Variants in AP2B1 observed in about 807,000 individuals in gnomAD.
AP2B1 encodes AP-2 complex subunit beta.
Under a neutral mutation model 102.0 loss-of-function variants are expected in AP2B1, and 23 were observed. The ratio of observed to expected loss-of-function variants is 0.23; its 90% CI spans 0.16 to 0.32. The LOEUF is 0.32. Among genes scored for constraint, AP2B1 ranks in the 10% least tolerant of loss-of-function variants. The probability of loss-of-function intolerance (pLI) is 1.00; values close to 1 mark genes in which losing one functional copy is unlikely to be tolerated. For synonymous variants in AP2B1, 381 were observed against 421.2 expected, an observed-to-expected ratio of 0.90 and a Z score of 1.17; for missense variants, 541 against 1,157.4, an observed-to-expected ratio of 0.47 and a Z score of 7.73.
chr17:35,626,765 A>G lies in AP2B1; in HGVS notation c.861A>G (p.Pro287=). 6.2e-7 allele frequency: 1 copy of G among 1,613,994 alleles called. No homozygotes were observed. The change falls in exon 7 of 22, where the codon CCA becomes CCG. Residue 287 remains proline, a synonymous_variant. Transcript: ENST00000610402. Reference sequence around the variant, plus strand: ...TGCTGCTGAAGAAGTTAGCCCCTCCACTTGTCACTTTGCTGTCTGGGGAGC... The same window carrying G: ...TGCTGCTGAAGAAGTTAGCCCCTCCGCTTGTCACTTTGCTGTCTGGGGAGC... ...YNMLLKKLAP[P]LVTLLSGEPE...
At chr17:35,615,603 G>T (rs1477206516) in intron 5 of AP2B1, among the ~76,000 whole-genome samples, 2 of 152,132 alleles carry the variant, frequency 1.3e-5, no homozygotes, top group Admixed American at 1.3e-4. Context: ...AAAACTTAAT[G>T]ACTTAACTTT....
At chr17:35,669,218 A>T (rs1164607240) in intron 14 of AP2B1, among the ~76,000 whole-genome samples, 2 of 149,020 alleles carry the variant, frequency 1.3e-5, no homozygotes, top group Admixed American at 1.4e-4. Flanking sequence ...ATCTCAGCTC[A>T]CCGCAACCTC....
chr17:35,672,668 C>T, intron 16 of AP2B1, among the ~76,000 whole-genome samples: 1 of 152,144 alleles, frequency 6.6e-6, no homozygotes, highest in East Asian at 1.9e-4. Flanking sequence ...CGAAGATATT[C>T]AAAATTGAGC....
chr17:35,722,657 T>A (rs2085435369), intron 21 of AP2B1, among the ~76,000 whole-genome samples: 1 of 152,194 alleles, frequency 6.6e-6, no homozygotes, highest in Non-Finnish European at 1.5e-5. Context: ...AATAAAGAGG[T>A]AAAATAGTCT....
rs781828320 is a variant in AP2B1, at chr17:35,717,296, G to A, written c.2728G>A (p.Gly910Ser). The change falls in exon 21 of 22, where the codon GGC (glycine) becomes AGC (serine). Residue 910 changes from glycine to serine, a missense_variant. This residue lies in a region of AP2B1 where 117 missense variants were observed against 206.7 expected (regional missense o/e 0.57). Transcript: ENST00000610402. Reference protein sequence around the residue: ...MLYQSLKLTNGIWILAELRIQ... With the variant: ...MLYQSLKLTNSIWILAELRIQ... ...GTACCAATCCCTGAAGCTCACTAAT[G>A]GCATTTGGATTTTGGCCGAACTACG... The A allele has an allele frequency of 6.2e-7, 1 of 1,614,162 alleles. No individual in the cohort carries two copies.
intron 5 of AP2B1, among the ~76,000 whole-genome samples, chr17:35,618,182 G>A (rs943206859): frequency 6.6e-6 from 1 of 152,114 alleles, no homozygotes; most frequent in African/African-American, 2.4e-5. Flanking sequence ...TGTTTGACTG[G>A]TACTGCAGTC....
At chr17:35,630,509 A>G (rs1386846863) in intron 9 of AP2B1, among the ~76,000 whole-genome samples, 2 of 152,200 alleles carry the variant, frequency 1.3e-5, no homozygotes, top group African/African-American at 4.8e-5. Flanking sequence ...TCACTAGTGT[A>G]CATAGCCATC....
intron 18 of AP2B1, among the ~76,000 whole-genome samples, chr17:35,702,930 G>A (rs587695523): frequency 4.6e-5 from 7 of 152,294 alleles, no homozygotes; most frequent in African/African-American, 1.4e-4. Flanking sequence ...CTATTGAAGA[G>A]CATGTAAATT....
chr17:35,599,284 C>T (rs2073398490), intron 3 of AP2B1, among the ~76,000 whole-genome samples: 1 of 152,276 alleles, frequency 6.6e-6, no homozygotes, highest in African/African-American at 2.4e-5. Flanking sequence ...TATATTTAAT[C>T]AGACTTTGGT....
chr17:35,703,656 A>G (rs1047495405), intron 18 of AP2B1, among the ~76,000 whole-genome samples: 2 of 152,142 alleles, frequency 1.3e-5, no homozygotes, highest in Non-Finnish European at 2.9e-5. Flanking sequence ...AAAGAGGGGA[A>G]TAGCACACAC....
chr17:35,697,823 G>A (rs1401383913), intron 18 of AP2B1, among the ~76,000 whole-genome samples: 1 of 152,078 alleles, frequency 6.6e-6, no homozygotes, highest in Non-Finnish European at 1.5e-5. Context: ...TTAGCCGGGT[G>A]TAGTGGCATG....
intron 12 of AP2B1, among the ~76,000 whole-genome samples, chr17:35,647,891 G>GTTTTTTTTTTTTT (rs36102165): frequency 7.0e-6 from 1 of 143,136 alleles, no homozygotes. Flanking sequence ...TTGGGGGTTT[G>GTTTTTTTTTTTTT]TTTTTTTTTT....
At chr17:35,696,268 GCTTA>G (rs755112226) in intron 18 of AP2B1, among the ~76,000 whole-genome samples, 5 of 151,966 alleles carry the variant, frequency 3.3e-5, no homozygotes, top group Non-Finnish European at 7.4e-5. Flanking sequence ...ATATCGTATA[GCTTA>G]CTTACTTACT....
intron 12 of AP2B1, among the ~76,000 whole-genome samples, chr17:35,649,541 A>T (rs1475613826): frequency 2.6e-5 from 4 of 152,178 alleles, no homozygotes; most frequent in Admixed American, 1.3e-4. Context: ...AAGTGCTGGG[A>T]TTACAGGCGT....
rs1413217552 is a variant in AP2B1, at chr17:35,725,297, C to G, written c.*1598C>G. The stretch of plus-strand genomic sequence containing the variant: ...GGCACCCAATATTCAGGGTCCATGA[C>G]TAAGACTGGTCTTCTCAGATGCCCT... On this transcript the variant is annotated 3_prime_UTR_variant, in exon 22 of 22. Coordinates refer to ENST00000610402, the MANE Select transcript of AP2B1 (RefSeq NM_001030006.2). The G allele has an allele frequency of 1.3e-5, 2 of 152,268 alleles. No individual in the cohort carries two copies. Among genetic ancestry groups the G allele is most frequent in the Non-Finnish European group, 2.9e-5 (2 of 68,066 alleles). 9.4% of individuals were successfully genotyped at this position (152,268 alleles called of 1,614,324 possible).
intron 3 of AP2B1, among the ~76,000 whole-genome samples, chr17:35,602,795 C>T (rs1259022461): frequency 1.3e-5 from 2 of 152,146 alleles, no homozygotes; most frequent in African/African-American, 4.8e-5. Flanking sequence ...TATAGGTTGG[C>T]ACTTAACACT....
intron 19 of AP2B1, among the ~76,000 whole-genome samples, chr17:35,709,904 A>G (rs1555586677): frequency 1.3e-5 from 2 of 152,212 alleles, no homozygotes; most frequent in Non-Finnish European, 2.9e-5. Flanking sequence ...TGATTCTTAC[A>G]ATAGCTCTTG....
intron 5 of AP2B1, among the ~76,000 whole-genome samples, chr17:35,616,678 G>A (rs1211222718): frequency 6.6e-6 from 1 of 152,112 alleles, no homozygotes; most frequent in Non-Finnish European, 1.5e-5. Flanking sequence ...ATGTCCTTTC[G>A]CTATTCCAGG....
At chr17:35,648,877 A>T (rs1404362435) in intron 12 of AP2B1, among the ~76,000 whole-genome samples, 1 of 150,942 alleles carries the variant, frequency 6.6e-6, no homozygotes, top group Non-Finnish European at 1.5e-5. Flanking sequence ...TTTTTTTTTT[A>T]TGTCACACAC....
Sources: gnomAD v4.1 joint callset for allele counts (sites outside exome capture counted in the v4.1 genomes callset) on GRCh38, gnomAD v4.1.1 for gene constraint, gnomAD v4.1.1 regional missense constraint, MANE v1.5 for transcripts, NCBI Gene and HGNC (gene_info 2026-07-23, HGNC 2026-07-21) for gene names.